The following ARHGAP17 variants were observed in gnomAD, a reference collection of about 807,000 sequenced individuals.
ARHGAP17 encodes the protein Rho GTPase activating protein 17.
Under a neutral mutation model 99.5 loss-of-function variants are expected in ARHGAP17, and 57 were observed. The observed-to-expected ratio is 0.57, with a 90% confidence interval of 0.46 to 0.71. The LOEUF is 0.71. ARHGAP17 is among the 30% of genes least tolerant of loss of function. ARHGAP17 has a pLI of 0.00. For missense variants in ARHGAP17, 1,000 were observed against 1,122.4 expected (o/e 0.89, Z 1.56); for synonymous variants, 417 against 429.6 (o/e 0.97, Z 0.36).
At chr16:24,996,872 G>A (rs983468596) in intron 1 of ARHGAP17, among the ~76,000 whole-genome samples, 71 of 151,876 alleles carry the variant, frequency 4.7e-4, no homozygotes, top group Non-Finnish European at 8.4e-4. Flanking sequence ...GATTGCTTGA[G>A]GCCAGGAGTT....
intron 7 of ARHGAP17, among the ~76,000 whole-genome samples, chr16:24,962,682 C>T (rs943836754): frequency 6.6e-6 from 1 of 152,080 alleles, no homozygotes; most frequent in Non-Finnish European, 1.5e-5. Context: ...AAATAATCCA[C>T]CACAAGCAGA....
rs751183372 is a variant in ARHGAP17, at chr16:24,959,924, T to C, written c.629A>G (p.Lys210Arg). The C allele has an allele frequency of 6.2e-7, 1 of 1,614,144 alleles. No individual in the cohort carries two copies. The highest frequency in any genetic ancestry group is 1.1e-5 in the South Asian group (1 of 91,070). Residue 210 changes from lysine (K) to arginine (R), a missense_variant, in exon 8 of 20, where the codon AAA (lysine) becomes AGA (arginine). Coordinates refer to ENST00000289968, the MANE Select transcript of ARHGAP17 (RefSeq NM_001006634.3). ...NFMAKEGEYGKFFVTLLEAQA... is the reference protein window; with the variant it reads ...NFMAKEGEYGRFFVTLLEAQA... Reference sequence around the variant, plus strand: ...GAAGGTGCTTACCGTAACAAAGAATTTGCCATACTCCCCTTCTTTGGCCAT... The same window carrying C: ...GAAGGTGCTTACCGTAACAAAGAATCTGCCATACTCCCCTTCTTTGGCCAT...
intron 1 of ARHGAP17, among the ~76,000 whole-genome samples, chr16:25,005,453 A>C (rs963268418): frequency 6.6e-6 from 1 of 152,240 alleles, no homozygotes; most frequent in South Asian, 2.1e-4. Context: ...AAAGTACATA[A>C]ATACATCAAA....
At chr16:24,946,304 C>T (rs994762409) in intron 14 of ARHGAP17, among the ~76,000 whole-genome samples, 1 of 151,824 alleles carries the variant, frequency 6.6e-6, no homozygotes, top group Admixed American at 6.6e-5. Flanking sequence ...GCCTCATGTT[C>T]TCTGTCTTCA....
chr16:24,968,280 C>A (rs1009555842), intron 6 of ARHGAP17, 71 bp downstream of exon 6: 1 of 1,550,176 alleles, frequency 6.5e-7, no homozygotes, highest in Non-Finnish European at 8.9e-7. Context: ...TCCATTGTGT[C>A]CACTGTCAGT....
At chr16:24,961,545 G>A (rs1396047437) in intron 7 of ARHGAP17, among the ~76,000 whole-genome samples, 2 of 14,800 alleles carry the variant, frequency 1.4e-4, no homozygotes, top group East Asian at 8.7e-3. Context: ...TTTTTTTTTT[G>A]AGATGGAGTC....
intron 1 of ARHGAP17, among the ~76,000 whole-genome samples, chr16:24,984,177 T>C (rs2052784977): frequency 3.3e-5 from 5 of 152,158 alleles, no homozygotes; most frequent in African/African-American, 9.7e-5. Flanking sequence ...ATAAAACATG[T>C]ACTATGGGAG....
chr16:24,942,590 A>T (rs2051345748), intron 15 of ARHGAP17, among the ~76,000 whole-genome samples: 1 of 151,980 alleles, frequency 6.6e-6, no homozygotes. Flanking sequence ...AAGAACGTGA[A>T]ACCCCGTCTC....
At chr16:24,935,949 T>C in intron 17 of ARHGAP17, 1 of 382,602 alleles carries the variant, frequency 2.6e-6, no homozygotes, top group Middle Eastern at 8.7e-4. Context: ...GCCGGGACTA[T>C]AGGACTATTT....
At chr16:24,977,786 G>T (rs1297388713) in intron 2 of ARHGAP17, among the ~76,000 whole-genome samples, 1 of 152,048 alleles carries the variant, frequency 6.6e-6, no homozygotes, top group Non-Finnish European at 1.5e-5. Context: ...GGGGACCCAC[G>T]CATCATAAGC....
intron 1 of ARHGAP17, among the ~76,000 whole-genome samples, chr16:25,013,561 G>A (rs1486098505): frequency 6.6e-6 from 1 of 151,964 alleles, no homozygotes; most frequent in Non-Finnish European, 1.5e-5. Context: ...AGTCAAGGCT[G>A]CAATGAGACA....
intron 7 of ARHGAP17, among the ~76,000 whole-genome samples, chr16:24,961,912 T>TATATATATATATATATAC: frequency 2.5e-5 from 1 of 39,622 alleles, no homozygotes; most frequent in African/African-American, 2.0e-4. Flanking sequence ...ATAGGAATTT[T>TATATATATATATATATAC]ATATATATAT....
Position 24,920,242 on chromosome 16 carries a change from G to A in ARHGAP17, c.2534C>T (p.Ser845Leu). ...KIVTDSNSRVSEPHRSIFPEM... is the reference protein window; with the variant it reads ...KIVTDSNSRVLEPHRSIFPEM... ...AGGAAAGATGCTGCGATGCGGTTCT[G>A]AAACCCTGGAATTGGAGTCTGGACA... Residue 845 changes from serine (S) to leucine (L), a missense_variant, in exon 20 of 20, where the codon TCA becomes TTA. Coordinates refer to ENST00000289968, the MANE Select transcript of ARHGAP17 (RefSeq NM_001006634.3). The A allele has an allele frequency of 6.2e-7, 1 of 1,614,092 alleles. No individual in the cohort carries two copies. The highest frequency in any genetic ancestry group is 8.5e-7 in the Non-Finnish European group (1 of 1,179,986).
intron 14 of ARHGAP17, among the ~76,000 whole-genome samples, chr16:24,946,396 G>A (rs2051474281): frequency 6.6e-6 from 1 of 151,576 alleles, no homozygotes; most frequent in African/African-American, 2.4e-5. Flanking sequence ...CCAGGTCCTG[G>A]CTGTACGAAA....
rs2051670351 is a variant in ARHGAP17 at position 24,952,388 on chromosome 16, CTCTT to C, written c.965-22_965-19del. 6.3e-7 allele frequency: 1 copy of C among 1,595,442 alleles called. No homozygotes were observed. The highest frequency in any genetic ancestry group is 8.6e-7 in the Non-Finnish European group (1 of 1,165,996). On this transcript the variant is annotated intron_variant, in intron 11 of 19. Coordinates refer to ENST00000289968, the MANE Select transcript of ARHGAP17 (RefSeq NM_001006634.3). ...TAAAGCACCTGAAATCATTAACACT[CTCTT>C]TGAGTATGAAAAAGGGGTAAGGCTA...
intron 1 of ARHGAP17, among the ~76,000 whole-genome samples, chr16:24,981,169 C>T (rs1050552962): frequency 6.6e-6 from 1 of 152,200 alleles, no homozygotes; most frequent in Non-Finnish European, 1.5e-5. Flanking sequence ...TAACCTCACA[C>T]TGGTACTTGA....
At chr16:24,987,616 A>AC (rs1008139263) in intron 1 of ARHGAP17, among the ~76,000 whole-genome samples, 4 of 151,988 alleles carry the variant, frequency 2.6e-5, no homozygotes, top group Non-Finnish European at 5.9e-5. Flanking sequence ...CACCAAGAGC[A>AC]CCCCCAACCC....
intron 19 of ARHGAP17, among the ~76,000 whole-genome samples, chr16:24,921,657 G>A (rs993906998): frequency 1.3e-5 from 2 of 151,992 alleles, no homozygotes; most frequent in African/African-American, 4.8e-5. Context: ...TTACTCCCTG[G>A]GACACCCTTT....
intron 1 of ARHGAP17, among the ~76,000 whole-genome samples, chr16:24,982,992 ATATATTTTTTTTTTTTT>A (rs1346743424): frequency 3.5e-5 from 1 of 28,762 alleles, no homozygotes; most frequent in Non-Finnish European, 6.0e-5. Flanking sequence ...ATATATATAT[ATATATTTTTTTTTTTTT>A]TTTTTTTTTT....
Sources: allele counts gnomAD v4.1 joint callset (sites outside exome capture counted in the v4.1 genomes callset), GRCh38; gene constraint gnomAD v4.1.1; transcripts MANE v1.5; gene names NCBI Gene and HGNC (gene_info 2026-07-23, HGNC 2026-07-21).